KCNA2: variants seen among roughly 807,000 people sequenced by gnomAD.
KCNA2 encodes the protein potassium voltage-gated channel subfamily A member 2, also known as potassium channel, voltage gated shaker related subfamily A, member 2.
Under a neutral mutation model 33.4 loss-of-function variants are expected in KCNA2, and 11 were observed. That is an observed-to-expected ratio of 0.33 (90% CI 0.21 to 0.55). The LOEUF (loss-of-function observed/expected upper bound fraction) is 0.55. KCNA2 is among the 20% of genes least tolerant of loss of function. The probability of loss-of-function intolerance (pLI) is 0.93; values close to 1 mark genes in which losing one functional copy is unlikely to be tolerated. For synonymous variants in KCNA2, 222 were observed against 231.3 expected (o/e 0.96, Z 0.37); for missense variants, 291 against 621.6 (o/e 0.47, Z 5.66).
intron 1 of KCNA2, among the ~76,000 whole-genome samples, chr1:110,615,760 G>C (rs1650028437): frequency 1.3e-5 from 2 of 152,220 alleles, no homozygotes; most frequent in African/African-American, 4.8e-5. Context: ...AGAGTACAGG[G>C]AAGATGACTT....
At position 110,603,754 on chromosome 1, in the gene KCNA2, A is replaced by G; in HGVS notation, c.1029T>C (p.Ser343=). The change falls in exon 3 of 3, where the codon TCT becomes TCC. Residue 343 remains serine (S), a synonymous_variant. Coordinates refer to ENST00000316361, the MANE Select transcript of KCNA2 (RefSeq NM_004974.4). This position sits in a 1 kb window ranked among gnomAD's most constrained non-coding sequence, Gnocchi z 5.7. ...CGGCCTCTGCAAAATACACAGCACT[A>G]GAGAAAAGGATGACCCCTATGAAGA... ...FFLFIGVILF[S]SAVYFAEADE... is the part of the protein sequence containing the mutation. The G allele has an allele frequency of 6.2e-7, 1 of 1,613,962 alleles. No individual in the cohort carries two copies. The highest frequency in any genetic ancestry group is 8.5e-7 in the Non-Finnish European group (1 of 1,180,032).
At chr1:110,615,066 G>C (rs1650003731) in intron 1 of KCNA2, among the ~76,000 whole-genome samples, 1 of 152,214 alleles carries the variant, frequency 6.6e-6, no homozygotes, top group Non-Finnish European at 1.5e-5. Flanking sequence ...GGAACACAGG[G>C]AATCTTTGAC....
intron 1 of KCNA2, among the ~76,000 whole-genome samples, chr1:110,615,182 C>T (rs572687530): frequency 6.6e-6 from 1 of 152,256 alleles, no homozygotes; most frequent in South Asian, 2.1e-4. Context: ...CTAAGGCACC[C>T]AAAGGCGACC....
chr1:110,603,459 G>A lies in KCNA2; in HGVS notation c.1324C>T (p.Pro442Ser), dbSNP rs982474551. ...VTSCPKIPSS[P>S]DLKKSRSAST... ...GCACTTCTACTTTTCTTTAGGTCAG[G>A]GGAGGATGGGATCTTTGGACAGCTT... Residue 442 changes from proline to serine, a missense_variant, in exon 3 of 3, where the codon CCT becomes TCT. Coordinates refer to ENST00000316361, the MANE Select transcript of KCNA2 (RefSeq NM_004974.4). The surrounding 1 kb of genome is among the most constrained non-coding windows in gnomAD (Gnocchi z 5.7). The A allele has an allele frequency of 1.2e-6, 2 of 1,613,900 alleles. No homozygotes were observed. Among genetic ancestry groups the A allele is most frequent in the African/African-American group, 2.7e-5 (2 of 74,864 alleles).
Position 110,600,610 on chromosome 1 carries a change from G to A in KCNA2, c.*2673C>T. 1.0e-6 allele frequency: 1 copy of A among 985,304 alleles called. No homozygotes were observed. Among genetic ancestry groups the A allele is most frequent in the Non-Finnish European group, 1.2e-6 (1 of 829,852 alleles). 61.0% of individuals were successfully genotyped at this position (985,304 alleles called of 1,614,324 possible). A position where few individuals can be genotyped will look rare whatever the true frequency, so the allele number is the denominator to read the frequency against. On this transcript the variant is annotated 3_prime_UTR_variant, in exon 3 of 3. Coordinates refer to ENST00000316361, the MANE Select transcript of KCNA2 (RefSeq NM_004974.4). ...TATTTTGTGGTGAATGTGCATGACTGTATGTGAACATTTTAGAGTCCTGGG... is the reference window on the plus strand; with the variant it reads ...TATTTTGTGGTGAATGTGCATGACTATATGTGAACATTTTAGAGTCCTGGG...
intron 1 of KCNA2, among the ~76,000 whole-genome samples, chr1:110,623,053 T>C (rs980946312): frequency 5.9e-5 from 9 of 152,218 alleles, no homozygotes; most frequent in Admixed American, 3.9e-4. Flanking sequence ...GCTAATACTA[T>C]ATTATTTCAA....
chr1:110,610,900 C>T (rs1002040905), upstream of KCNA2, among the ~76,000 whole-genome samples: 10 of 152,142 alleles, frequency 6.6e-5, no homozygotes, highest in African/African-American at 2.4e-4. Context: ...TGACCAGGGC[C>T]GTGGTCTGTG....
Position 110,604,506 on chromosome 1 carries a change from GGTA to G in KCNA2, c.274_276del (p.Tyr92del). 1 of 1,614,222 alleles carries G rather than the reference GGTA, an allele frequency of 6.2e-7. No individual in the cohort carries two copies. The highest frequency in any genetic ancestry group is 8.5e-7 in the Non-Finnish European group (1 of 1,180,038). ...GGTCGCCTCAATCGGCCCCCTGACT[GGTA>G]GTAGTACAAAATGGCATCAAAGCTA... On this transcript the variant is annotated inframe_deletion, in exon 3 of 3. Transcript: ENST00000316361. The surrounding 1 kb of genome is among the most constrained non-coding windows in gnomAD (Gnocchi z 7.6).
In KCNA2 at chr1:110,603,697, T is replaced by C. The variant is rs1304190637; in HGVS notation, c.1086A>G (p.Pro362=). The change falls in exon 3 of 3, where the codon CCA becomes CCG. Residue 362 remains proline, a synonymous_variant. Transcript: ENST00000316361. This position sits in a 1 kb window ranked among gnomAD's most constrained non-coding sequence, Gnocchi z 5.7. ...AGACGACTGCCCACCAGAAGGCATC[T>C]GGGATGCTGGGGAACTGGGACTCTC... is the stretch of plus-strand genomic sequence containing the variant. ...DERESQFPSI[P]DAFWWAVVSM... 6.2e-7 allele frequency: 1 copy of C among 1,614,070 alleles called. No individual in the cohort carries two copies. The highest frequency in any genetic ancestry group is 1.1e-5 in the South Asian group (1 of 91,078).
At chr1:110,613,201 A>G (rs1330824345) in intron 1 of KCNA2, among the ~76,000 whole-genome samples, 2 of 152,012 alleles carry the variant, frequency 1.3e-5, no homozygotes, top group African/African-American at 2.4e-5. Flanking sequence ...CTGACACTCA[A>G]CTTATGTCAC....
intron 1 of KCNA2, among the ~76,000 whole-genome samples, chr1:110,628,522 A>G (rs1038707212): frequency 6.6e-6 from 1 of 152,102 alleles, no homozygotes; most frequent in Non-Finnish European, 1.5e-5. Context: ...AAACTCCCTC[A>G]CCCCAGACTG....
rs1399692406 is a variant in KCNA2, at chr1:110,598,517, T to C, written c.*4766A>G. 2 of 985,318 alleles carry C rather than the reference T, an allele frequency of 2.0e-6. No individual in the cohort carries two copies. The highest frequency in any genetic ancestry group is 2.4e-6 in the Non-Finnish European group (2 of 829,944). 61.0% of individuals were successfully genotyped at this position (985,318 alleles called of 1,614,324 possible). A position where few individuals can be genotyped will look rare whatever the true frequency, so the allele number is the denominator to read the frequency against. Reference sequence around the variant, plus strand: ...TACTGATAGAGTCCTCACTATAATATAGTGAGAGATCCAGGAAGAATAGGT... The same window carrying C: ...TACTGATAGAGTCCTCACTATAATACAGTGAGAGATCCAGGAAGAATAGGT... On this transcript the variant is annotated 3_prime_UTR_variant, in exon 3 of 3. Transcript: ENST00000316361.
At chr1:110,614,085 T>C (rs57084122) in intron 1 of KCNA2, among the ~76,000 whole-genome samples, 25,283 of 152,216 alleles carry the variant, frequency 0.17, 2,914 homozygotes, top group East Asian at 0.39. Context: ...CCTGTGGCCA[T>C]AGAGAGCAAT....
At chr1:110,622,474 A>T (rs1650284974) in intron 1 of KCNA2, among the ~76,000 whole-genome samples, 2 of 152,136 alleles carry the variant, frequency 1.3e-5, no homozygotes, top group African/African-American at 4.8e-5. Context: ...TTAAGATTCT[A>T]TTGGAGCTTG....
intron 1 of KCNA2, among the ~76,000 whole-genome samples, chr1:110,620,751 A>T (rs1650234368): frequency 6.6e-6 from 1 of 152,026 alleles, no homozygotes; most frequent in Non-Finnish European, 1.5e-5. Flanking sequence ...GTTCATTATC[A>T]CTGAAAGTTC....
At chr1:110,606,760 C>T (rs1210138090), upstream of KCNA2, 1 of 152,250 alleles carries the variant, frequency 6.6e-6, no homozygotes, top group Non-Finnish European at 1.5e-5. Flanking sequence ...GCCAGGCTGC[C>T]GCCCCAGATC....
At chr1:110,608,636 C>T (rs564728989), upstream of KCNA2, among the ~76,000 whole-genome samples, 1 of 152,166 alleles carries the variant, frequency 6.6e-6, no homozygotes, top group South Asian at 2.1e-4. Context: ...CTCCGTGGGC[C>T]CAAAGGATGA....
intron 1 of KCNA2, among the ~76,000 whole-genome samples, chr1:110,619,940 A>C (rs1170325005): frequency 6.6e-6 from 1 of 151,968 alleles, no homozygotes; most frequent in Non-Finnish European, 1.5e-5. Flanking sequence ...AAGCCGACTT[A>C]ACGTCCTAGG....
In KCNA2 at chr1:110,597,550, C is replaced by T. The variant is rs1649148838; in HGVS notation, c.*5733G>A. 1 of 985,320 alleles carries T rather than the reference C, an allele frequency of 1.0e-6. No homozygotes were observed. The highest frequency in any genetic ancestry group is 1.7e-5 in the African/African-American group (1 of 57,314). 61.0% of individuals were successfully genotyped at this position (985,320 alleles called of 1,614,324 possible). Reference sequence around the variant, plus strand: ...CAGGAAGGAGACAAAGTGACAAAGCCCTCTCACAGGCCTTCCTTGTGCATA... The same window carrying T: ...CAGGAAGGAGACAAAGTGACAAAGCTCTCTCACAGGCCTTCCTTGTGCATA... On this transcript the variant is annotated 3_prime_UTR_variant, in exon 3 of 3. Transcript: ENST00000316361.
Sources: allele counts gnomAD v4.1 joint callset (sites outside exome capture counted in the v4.1 genomes callset), GRCh38; gene constraint gnomAD v4.1.1; non-coding constraint Gnocchi (gnomAD v3.1); transcripts MANE v1.5; gene names NCBI Gene and HGNC (gene_info 2026-07-23, HGNC 2026-07-21).